The following CNTN5 variants were observed in gnomAD, a reference collection of about 807,000 sequenced individuals.
CNTN5 encodes the protein contactin-5.
Under a neutral mutation model 129.1 loss-of-function variants are expected in CNTN5, and 77 were observed. The observed-to-expected ratio is 0.60, with a 90% CI of 0.50 to 0.72. The LOEUF is 0.72. Among genes scored for constraint, CNTN5 ranks in the 30% least tolerant of loss-of-function variants. The pLI is 0.00. For synonymous variants in CNTN5, 509 were observed against 465.6 expected (o/e 1.09, Z -1.20); for missense variants, 1,478 against 1,328.8 (o/e 1.11, Z -1.75).
intron 1 of CNTN5, among the ~76,000 whole-genome samples, chr11:99,147,717 C>T (rs1000397438): frequency 6.6e-6 from 1 of 152,090 alleles, no homozygotes; most frequent in African/African-American, 2.4e-5. Context: ...TTTTATTTCT[C>T]CTCTGATATT....
intron 6 of CNTN5, among the ~76,000 whole-genome samples, chr11:99,902,638 T>C (rs1949389495): frequency 6.6e-6 from 1 of 152,156 alleles, no homozygotes; most frequent in South Asian, 2.1e-4. Context: ...CATGTAAAAA[T>C]GAGATTCATT....
intron 3 of CNTN5, among the ~76,000 whole-genome samples, chr11:99,715,556 T>C (rs1955182896): frequency 6.6e-6 from 1 of 151,950 alleles, no homozygotes; most frequent in African/African-American, 2.4e-5. Flanking sequence ...GTCTGTTTTA[T>C]GGCCTGTATA....
At chr11:99,300,094 G>T (rs564840513) in intron 1 of CNTN5, among the ~76,000 whole-genome samples, 1 of 152,040 alleles carries the variant, frequency 6.6e-6, no homozygotes, top group South Asian at 2.1e-4. Context: ...TATTCTGACA[G>T]GTTGACGCCT....
At chr11:99,965,537 A>C (rs984387896) in intron 8 of CNTN5, among the ~76,000 whole-genome samples, 7 of 152,066 alleles carry the variant, frequency 4.6e-5, no homozygotes, top group African/African-American at 1.7e-4. Flanking sequence ...GTTTGTTATA[A>C]TTTCTGTTCT....
At chr11:100,121,924 T>G (rs948681748) in intron 13 of CNTN5, among the ~76,000 whole-genome samples, 10 of 149,356 alleles carry the variant, frequency 6.7e-5, no homozygotes, top group African/African-American at 2.2e-4. Flanking sequence ...GGTTTTAGGG[T>G]TCTCCAGAGA....
intron 24 of CNTN5, 81 bp from the exon 25 acceptor site, chr11:100,356,036 T>C (rs1329179406): frequency 1.5e-5 from 13 of 855,656 alleles, no homozygotes; most frequent in Admixed American, 2.0e-5. Flanking sequence ...CACTCATTAG[T>C]CTTACATACT....
In CNTN5 at chr11:99,449,332, T is replaced by G. The variant is rs74385616; in HGVS notation, c.-70-106813T>G. On this transcript the variant is annotated intron_variant, in intron 2 of 24. Transcript: ENST00000524871. The stretch of plus-strand genomic sequence containing the variant: ...ATAAAAGCCATTAGCTAAATAGATA[T>G]TGAGTTTTAATCTTCCTCTGCAATC... 5.7e-3 allele frequency among the ~76,000 whole-genome samples: 866 copies of G among 152,308 alleles called. 7 individuals are homozygous for G. The highest frequency in any genetic ancestry group is 0.019 in the African/African-American group (808 of 41,564).
intron 2 of CNTN5, among the ~76,000 whole-genome samples, chr11:99,522,538 A>G (rs944143361): frequency 6.6e-6 from 1 of 152,168 alleles, no homozygotes; most frequent in African/African-American, 2.4e-5. Context: ...ATAAAAAGAT[A>G]CTTCTTGTAA....
chr11:99,937,993 T>C (rs938529667), intron 7 of CNTN5, among the ~76,000 whole-genome samples: 2 of 152,220 alleles, frequency 1.3e-5, no homozygotes, highest in Non-Finnish European at 2.9e-5. Flanking sequence ...ATTAAATACA[T>C]ATCCTGCTTT....
chr11:100,140,589 A>T (rs947395137), intron 13 of CNTN5, among the ~76,000 whole-genome samples: 3 of 152,120 alleles, frequency 2.0e-5, no homozygotes, highest in African/African-American at 7.2e-5. Context: ...AGGGGGTTTT[A>T]ATTACTAGTA....
At chr11:100,114,834 A>C (rs1945785817) in intron 13 of CNTN5, among the ~76,000 whole-genome samples, 1 of 152,136 alleles carries the variant, frequency 6.6e-6, no homozygotes, top group Non-Finnish European at 1.5e-5. Context: ...CACTATGCTT[A>C]GTGCTTTATA....
intron 18 of CNTN5, among the ~76,000 whole-genome samples, chr11:100,274,612 A>T (rs970668530): frequency 6.6e-6 from 1 of 152,270 alleles, no homozygotes; most frequent in Non-Finnish European, 1.5e-5. Flanking sequence ...GCCAACAATC[A>T]TGTGAGAAAA....
chr11:99,048,226 C>T (rs1048503884), intron 1 of CNTN5, among the ~76,000 whole-genome samples: 1 of 151,838 alleles, frequency 6.6e-6, no homozygotes, highest in African/African-American at 2.4e-5. Flanking sequence ...CCAAGGTGAC[C>T]CAAAATACTA....
At position 99,523,597 on chromosome 11, in the gene CNTN5, GATAGAATAGAATAGAATAGA is replaced by G. The variant is rs541032430; in HGVS notation, c.-70-32511_-70-32492del. Among the ~76,000 whole-genome samples the G allele has an allele frequency of 2.0e-3, 254 of 127,484 alleles. 2 individuals are homozygous for G. The highest frequency in any genetic ancestry group is 6.5e-3 in the African/African-American group (221 of 34,144). 83.6% of individuals were successfully genotyped at this position (127,484 alleles called of 152,430 possible). A position where few individuals can be genotyped will look rare whatever the true frequency, so the allele number is the denominator to read the frequency against. ...AGAGGGAGACCCCATCTCAAAGAAA[GATAGAATAGAATAGAATAGA>G]ATAGAATAGAATAGAATAGAATAGA... On this transcript the variant is annotated intron_variant, in intron 2 of 24. Coordinates refer to ENST00000524871, the MANE Select transcript of CNTN5 (RefSeq NM_014361.4).
At chr11:99,661,072 C>A (rs868214094) in intron 3 of CNTN5, among the ~76,000 whole-genome samples, 24 of 152,006 alleles carry the variant, frequency 1.6e-4, no homozygotes, top group South Asian at 4.1e-4. Context: ...ATATGTCCAG[C>A]TCAATTCTAA....
intron 3 of CNTN5, among the ~76,000 whole-genome samples, chr11:99,713,100 T>A (rs1955067688): frequency 6.6e-6 from 1 of 152,102 alleles, no homozygotes; most frequent in African/African-American, 2.4e-5. Context: ...ACGGTATTAC[T>A]TTTATCCTAT....
chr11:99,273,317 C>T (rs1001274245), intron 1 of CNTN5, among the ~76,000 whole-genome samples: 2 of 151,788 alleles, frequency 1.3e-5, no homozygotes, highest in African/African-American at 2.4e-5. Flanking sequence ...TATTTAACAT[C>T]TTCTAGACTA....
intron 1 of CNTN5, among the ~76,000 whole-genome samples, chr11:99,199,990 A>T (rs4754593): frequency 1.3e-5 from 2 of 151,908 alleles, no homozygotes; most frequent in African/African-American, 4.8e-5. Context: ...CATCATCATC[A>T]TCATCAGTGA....
intron 3 of CNTN5, among the ~76,000 whole-genome samples, chr11:99,658,758 C>T (rs1952481266): frequency 1.3e-5 from 2 of 149,706 alleles, no homozygotes; most frequent in East Asian, 3.9e-4. Flanking sequence ...CGCGGTGGCA[C>T]ATGCCTGTAA....
Sources: gnomAD v4.1 joint callset for allele counts (sites outside exome capture counted in the v4.1 genomes callset) on GRCh38, gnomAD v4.1.1 for gene constraint, MANE v1.5 for transcripts, NCBI Gene and HGNC (gene_info 2026-07-23, HGNC 2026-07-21) for gene names.